The following IGSF23 variants were observed in gnomAD, a reference collection of about 807,000 sequenced individuals.
IGSF23 encodes the protein immunoglobulin superfamily member 23.
A neutral mutation model predicts 17.8 loss-of-function variants in IGSF23; 14 were observed. That is an observed-to-expected ratio of 0.79 (90% confidence interval 0.52 to 1.23). IGSF23 has a LOEUF of 1.23. Among genes scored for constraint, IGSF23 ranks in the 50% most tolerant of loss-of-function variants. IGSF23 has a pLI of 0.00. For missense variants in IGSF23, 214 were observed against 241.7 expected, an observed-to-expected ratio of 0.89 and a Z score of 0.76; for synonymous variants, 85 against 92.5, an observed-to-expected ratio of 0.92 and a Z score of 0.46.
chr19:44,623,633 G>A, intron 1 of IGSF23, 74 bp from the exon 2 acceptor site: 2 of 1,348,128 alleles, frequency 1.5e-6, no homozygotes, highest in Non-Finnish European at 2.1e-6. Flanking sequence ...TGTCTCTATG[G>A]TGGGCAGAAG....
rs1263784971 is a variant in IGSF23, at chr19:44,627,591, C to T, written c.545+18C>T. ...AGCCTAAGGTACCTCTATCCCTCAC[C>T]CCCGTCCACTGGGCAACATCCACTC... On this transcript the variant is annotated intron_variant, in intron 3 of 4. Coordinates refer to ENST00000402988, the MANE Select transcript of IGSF23 (RefSeq NM_001205280.2). 11 of 1,540,570 alleles carry T rather than the reference C, an allele frequency of 7.1e-6. No homozygotes were observed. Among genetic ancestry groups the T allele is most frequent in the Non-Finnish European group, 9.6e-6 (11 of 1,139,936 alleles).
At chr19:44,621,092 G>C (rs1403313434) in intron 1 of IGSF23, among the ~76,000 whole-genome samples, 1 of 151,946 alleles carries the variant, frequency 6.6e-6, no homozygotes, top group Non-Finnish European at 1.5e-5. Flanking sequence ...GACCAGCCTG[G>C]GCAACATGAT....
intron 1 of IGSF23, 115 bp from the exon 2 acceptor site, chr19:44,623,592 T>G: frequency 5.5e-6 from 6 of 1,086,160 alleles, no homozygotes; most frequent in African/African-American, 1.6e-5. Context: ...ATGGGTGAAT[T>G]AATGAATGAA....
intron 3 of IGSF23, among the ~76,000 whole-genome samples, chr19:44,629,200 G>A (rs986525216): frequency 2.0e-5 from 3 of 152,118 alleles, no homozygotes; most frequent in Non-Finnish European, 4.4e-5. Flanking sequence ...TGCAAGGGAA[G>A]GATGGCATCT....
chr19:44,622,891 GA>G (rs1972551557), intron 1 of IGSF23, among the ~76,000 whole-genome samples: 2 of 151,938 alleles, frequency 1.3e-5, no homozygotes, highest in Admixed American at 1.3e-4. Flanking sequence ...GCTTCTTCAG[GA>G]CTCTGCTCAA....
rs200351966 is a variant in IGSF23 at position 44,635,054 on chromosome 19, TG to T, written c.546-345del. 2.1e-3 allele frequency among the ~76,000 whole-genome samples: 318 copies of T among 152,312 alleles called. 4 individuals carry two copies. Among genetic ancestry groups the T allele is most frequent in the African/African-American group, 6.6e-3 (274 of 41,570 alleles). ...ATTTATTTTCTCACAGTCTGGATGC[TG>T]GAAGTCCAAGATCAAGGTGGCAGCC... On this transcript the variant is annotated intron_variant, in intron 3 of 4. Coordinates refer to ENST00000402988, the MANE Select transcript of IGSF23 (RefSeq NM_001205280.2).
At chr19:44,628,356 C>A (rs1408144498) in intron 3 of IGSF23, among the ~76,000 whole-genome samples, 1 of 152,112 alleles carries the variant, frequency 6.6e-6, no homozygotes, top group African/African-American at 2.4e-5. Context: ...ACTGAGGATA[C>A]CGAGGGAAGA....
At chr19:44,624,774 G>A (rs999190335) in intron 2 of IGSF23, among the ~76,000 whole-genome samples, 22 of 151,718 alleles carry the variant, frequency 1.5e-4, no homozygotes, top group African/African-American at 5.3e-4. Context: ...CAAAATCTAA[G>A]GAGTGGGCCA....
chr19:44,627,692 G>A, intron 3 of IGSF23, 119 bp downstream of exon 3: 3 of 1,195,962 alleles, frequency 2.5e-6, no homozygotes, highest in South Asian at 1.6e-5. Flanking sequence ...GAGGGTGATA[G>A]CGACTCCTGA....
intron 1 of IGSF23, among the ~76,000 whole-genome samples, chr19:44,615,157 C>T (rs1490463854): frequency 5.3e-5 from 8 of 151,928 alleles, no homozygotes; most frequent in African/African-American, 1.2e-4. Flanking sequence ...GGCCTGGTGG[C>T]GGGCGCCTGT....
intron 3 of IGSF23, among the ~76,000 whole-genome samples, chr19:44,634,135 C>T (rs530287649): frequency 6.6e-6 from 1 of 152,310 alleles, no homozygotes; most frequent in South Asian, 2.1e-4. Context: ...GCACTACCGG[C>T]TGTGGCGGGG....
chr19:44,613,958 C>T (rs1208213240), intron 1 of IGSF23, 188 bp downstream of exon 1: 1 of 1,542,620 alleles, frequency 6.5e-7, no homozygotes, highest in Non-Finnish European at 8.8e-7. Flanking sequence ...CAGCTCCAGC[C>T]ACACCCCTAC....
At chr19:44,623,611 T>A in intron 1 of IGSF23, 96 bp from the exon 2 acceptor site, 2 of 1,226,532 alleles carry the variant, frequency 1.6e-6, no homozygotes, top group Non-Finnish European at 2.3e-6. Context: ...AATGAACACA[T>A]GAAAGAATGG....
intron 1 of IGSF23, among the ~76,000 whole-genome samples, chr19:44,615,742 C>A (rs951109316): frequency 6.6e-6 from 1 of 151,868 alleles, no homozygotes; most frequent in Non-Finnish European, 1.5e-5. Context: ...AGGAAAGGGA[C>A]GTGGTGGGCC....
At chr19:44,618,125 C>T (rs1184923525) in intron 1 of IGSF23, 2 of 471,184 alleles carry the variant, frequency 4.2e-6, no homozygotes, top group East Asian at 1.4e-4. Flanking sequence ...AGCTGCCCTT[C>T]TCGGCACAGC....
At chr19:44,622,815 C>T (rs1032806841) in intron 1 of IGSF23, among the ~76,000 whole-genome samples, 1 of 152,140 alleles carries the variant, frequency 6.6e-6, no homozygotes, top group Non-Finnish European at 1.5e-5. Context: ...ATCTCAGGGC[C>T]TTTTACTTGG....
intron 1 of IGSF23, 42 bp downstream of exon 1, chr19:44,613,812 C>A (rs565128144): frequency 6.5e-7 from 1 of 1,548,878 alleles, no homozygotes; most frequent in Non-Finnish European, 8.7e-7. Context: ...GCATGGTCAT[C>A]GTGAGCAGGG....
At chr19:44,635,756 A>G (rs1972876517) in intron 4 of IGSF23, among the ~76,000 whole-genome samples, 1 of 152,224 alleles carries the variant, frequency 6.6e-6, no homozygotes, top group Non-Finnish European at 1.5e-5. Flanking sequence ...CTCAGGAAAA[A>G]ATAAAATGAA....
chr19:44,614,107 G>A, intron 1 of IGSF23: 2 of 739,772 alleles, frequency 2.7e-6, no homozygotes, highest in Non-Finnish European at 4.2e-6. Context: ...GGCCCATGCA[G>A]CTCAGGCACC....
Sources: gnomAD v4.1 joint callset for allele counts (sites outside exome capture counted in the v4.1 genomes callset) on GRCh38, gnomAD v4.1.1 for gene constraint, MANE v1.5 for transcripts, NCBI Gene and HGNC (gene_info 2026-07-23, HGNC 2026-07-21) for gene names.